CNBD1: variants seen among roughly 807,000 people sequenced by gnomAD.
CNBD1 encodes cyclic nucleotide binding domain containing 1, also known as cyclic nucleotide-binding domain-containing protein 1.
A neutral mutation model predicts 54.4 loss-of-function variants in CNBD1; 71 were observed. The ratio of observed to expected loss-of-function variants is 1.30; its 90% CI spans 1.08 to 1.59. The LOEUF (loss-of-function observed/expected upper bound fraction) is 1.59. Among genes scored for constraint, CNBD1 ranks in the 40% most tolerant of loss-of-function variants. CNBD1 has a pLI of 0.00. For missense variants in CNBD1, 659 were observed against 518.0 expected, an observed-to-expected ratio of 1.27 and a Z score of -2.64; for synonymous variants, 182 against 170.7, an observed-to-expected ratio of 1.07 and a Z score of -0.51.
At chr8:87,399,783 G>A (rs1807515449) in intron 2 of CNBD1, among the ~76,000 whole-genome samples, 1 of 151,930 alleles carries the variant, frequency 6.6e-6, no homozygotes, top group South Asian at 2.1e-4. Flanking sequence ...ATGGTGCTTG[G>A]ACAGTGATTA....
intron 4 of CNBD1, among the ~76,000 whole-genome samples, chr8:87,154,839 G>A (rs753561864): frequency 1.6e-4 from 24 of 152,082 alleles, no homozygotes; most frequent in African/African-American, 4.3e-4. Flanking sequence ...AGTGTAGAAC[G>A]CACCCATTTC....
intron 10 of CNBD1, among the ~76,000 whole-genome samples, chr8:87,362,821 A>G (rs1810550703): frequency 6.6e-6 from 1 of 152,098 alleles, no homozygotes; most frequent in African/African-American, 2.4e-5. Flanking sequence ...AGGTTATTAT[A>G]GGTGATTTGA....
intron 4 of CNBD1, among the ~76,000 whole-genome samples, chr8:86,997,994 C>T (rs561483610): frequency 2.0e-5 from 3 of 152,164 alleles, no homozygotes; most frequent in East Asian, 1.9e-4. Context: ...ATAATGTACT[C>T]GGGATTCCTT....
chr8:87,349,791 A>G (rs1218179560), intron 8 of CNBD1, among the ~76,000 whole-genome samples: 1 of 152,238 alleles, frequency 6.6e-6, no homozygotes, highest in East Asian at 1.9e-4. Flanking sequence ...AAGACCATAG[A>G]CAATGATTCG....
chr8:87,329,409 T>C (rs1740038694), intron 8 of CNBD1, among the ~76,000 whole-genome samples: 1 of 152,136 alleles, frequency 6.6e-6, no homozygotes, highest in African/African-American at 2.4e-5. Context: ...CCATACACAG[T>C]TTTGAATTAG....
chr8:87,270,190 C>T lies in CNBD1; in HGVS notation c.772-14488C>T, dbSNP rs1042610511. Among the ~76,000 whole-genome samples, 6 of 151,806 alleles carry T rather than the reference C, an allele frequency of 4.0e-5. No individual in the cohort carries two copies. In the South Asian group the frequency reaches 8.3e-4, roughly 21 times the overall value. The stretch of plus-strand genomic sequence containing the variant: ...ATCATCTCAATAGATGCAGAGAAAG[C>T]TTTTGATAAAATTCAACATTTCTTC... On this transcript the variant is annotated intron_variant, in intron 6 of 10. Coordinates refer to ENST00000518476, the MANE Select transcript of CNBD1 (RefSeq NM_173538.3).
At chr8:86,971,704 A>G (rs1808222741) in intron 4 of CNBD1, among the ~76,000 whole-genome samples, 1 of 152,004 alleles carries the variant, frequency 6.6e-6, no homozygotes, top group Admixed American at 6.6e-5. Flanking sequence ...TCGTTTTGTG[A>G]ATATTTTGTG....
Position 87,312,621 on chromosome 8 carries a change from T to C in CNBD1, c.1042+25950T>C, listed in dbSNP as rs1447402089. On this transcript the variant is annotated intron_variant, in intron 8 of 10. Coordinates refer to ENST00000518476, the MANE Select transcript of CNBD1 (RefSeq NM_173538.3). ...CTATTTTAACTTTTTTGCACTTCCA[T>C]ATGCAAGTAAGAGCCATATGAGTAA... Among the ~76,000 whole-genome samples, 3 of 152,238 alleles carry C rather than the reference T, an allele frequency of 2.0e-5. No individual in the cohort carries two copies. The East Asian group carries it at 5.8e-4, about 29-fold the overall frequency.
intron 4 of CNBD1, among the ~76,000 whole-genome samples, chr8:87,187,470 CTTT>C (rs5893014): frequency 7.0e-6 from 1 of 141,876 alleles, no homozygotes; most frequent in Admixed American, 7.1e-5. Flanking sequence ...ATATCCTTCT[CTTT>C]TTTTTTTTTT....
intron 4 of CNBD1, among the ~76,000 whole-genome samples, chr8:87,138,377 C>G (rs1180157551): frequency 2.0e-5 from 3 of 152,142 alleles, no homozygotes; most frequent in Non-Finnish European, 4.4e-5. Context: ...GCAGTGGTGA[C>G]CATTTGCTGT....
At chr8:86,936,409 T>C (rs1447218082) in intron 3 of CNBD1, among the ~76,000 whole-genome samples, 1 of 152,156 alleles carries the variant, frequency 6.6e-6, no homozygotes, top group African/African-American at 2.4e-5. Flanking sequence ...TGGAAAAATC[T>C]TATCATGGAA....
At chr8:87,269,888 G>A (rs760922567) in intron 6 of CNBD1, among the ~76,000 whole-genome samples, 25 of 152,076 alleles carry the variant, frequency 1.6e-4, no homozygotes, top group Admixed American at 1.3e-3. Context: ...AAATCAAGGA[G>A]GAGGAACTTC....
At chr8:86,992,452 A>G (rs1367363381) in intron 4 of CNBD1, among the ~76,000 whole-genome samples, 2 of 152,112 alleles carry the variant, frequency 1.3e-5, no homozygotes, top group Admixed American at 6.6e-5. Context: ...TAAATGAAGC[A>G]TTTAGACCAT....
intron 5 of CNBD1, among the ~76,000 whole-genome samples, chr8:87,219,399 G>A (rs2130807488): frequency 6.6e-6 from 1 of 152,112 alleles, no homozygotes; most frequent in South Asian, 2.1e-4. Flanking sequence ...ACAGAGATGT[G>A]TAAAGTCTTA....
At chr8:87,423,265 A>G (rs1451034955) in intron 2 of CNBD1, among the ~76,000 whole-genome samples, 1 of 151,026 alleles carries the variant, frequency 6.6e-6, no homozygotes, top group Non-Finnish European at 1.5e-5. Context: ...AATACCCTTT[A>G]TTTCCTTCTC....
intron 4 of CNBD1, among the ~76,000 whole-genome samples, chr8:87,067,763 G>T (rs750179035): frequency 1.3e-5 from 2 of 151,664 alleles, no homozygotes; most frequent in African/African-American, 2.4e-5. Flanking sequence ...TTTAAAACTT[G>T]TCTCTTTAAA....
chr8:87,386,287 A>G (rs1199687854), downstream of CNBD1, among the ~76,000 whole-genome samples: 2 of 152,240 alleles, frequency 1.3e-5, no homozygotes, highest in Non-Finnish European at 2.9e-5. Flanking sequence ...AGTTGAGAGA[A>G]GAAGTTTTCA....
At position 87,162,995 on chromosome 8, in the gene CNBD1, CCCAGCAT is replaced by C. The variant is rs1175603387; in HGVS notation, c.432-42997_432-42991del. Among the ~76,000 whole-genome samples, 19 of 152,090 alleles carry C rather than the reference CCCAGCAT, an allele frequency of 1.2e-4. No individual in the cohort carries two copies. The East Asian group carries it at 3.3e-3, about 26-fold the overall frequency. On this transcript the variant is annotated intron_variant, in intron 4 of 10. Transcript: ENST00000518476. ...TTTCTGCTTTCTGCACCATGTGGGG[CCCAGCAT>C]TCCTGTCCTCCAAAAGATGTAGCTT...
In CNBD1 at chr8:87,377,567, G is replaced by A. The variant is rs183404432; in HGVS notation, c.1304-5053G>A. On this transcript the variant is annotated intron_variant, in intron 10 of 10. Transcript: ENST00000518476. The stretch of plus-strand genomic sequence containing the variant: ...CAGTCTATCATTGTTGGACATTTGT[G>A]TTGGTTCCAAGTCTTTGCTATCGTG... 1.2e-3 allele frequency among the ~76,000 whole-genome samples: 179 copies of A among 151,886 alleles called. 2 individuals carry two copies. In the East Asian group the frequency reaches 0.032, roughly 27 times the overall value.
Sources: gnomAD v4.1 joint callset for allele counts (sites outside exome capture counted in the v4.1 genomes callset) on GRCh38, gnomAD v4.1.1 for gene constraint, MANE v1.5 for transcripts, NCBI Gene and HGNC (gene_info 2026-07-23, HGNC 2026-07-21) for gene names.